MBTD1: variants seen among roughly 807,000 people sequenced by gnomAD.
MBTD1 encodes the protein mbt domain containing 1.
Under a neutral mutation model 87.8 loss-of-function variants are expected in MBTD1, and 24 were observed. The observed-to-expected ratio is 0.27, with a 90% CI of 0.20 to 0.38. The LOEUF (loss-of-function observed/expected upper bound fraction) is 0.38, where lower values mean the gene tolerates loss of function less well. MBTD1 is among the 10% of genes least tolerant of loss of function. The probability of loss-of-function intolerance (pLI) is 1.00; values close to 1 mark genes in which losing one functional copy is unlikely to be tolerated. For missense variants in MBTD1, 436 were observed against 760.2 expected (o/e 0.57, Z 5.02); for synonymous variants, 237 against 248.6 (o/e 0.95, Z 0.44).
At chr17:51,190,023 T>C (rs1369625577) in intron 16 of MBTD1, among the ~76,000 whole-genome samples, 1 of 152,192 alleles carries the variant, frequency 6.6e-6, no homozygotes, top group Non-Finnish European at 1.5e-5. Context: ...GTGGCTGACA[T>C]GGGTTTTGTG....
At chr17:51,197,041 GATATATATATATATAT>G (rs71149351) in intron 12 of MBTD1, among the ~76,000 whole-genome samples, 3 of 87,630 alleles carry the variant, frequency 3.4e-5, no homozygotes, top group Admixed American at 1.4e-4. Context: ...ATATATACAA[GATATATATATATATAT>G]ATATATATAT....
rs942245561 is a variant in MBTD1, at chr17:51,260,013, C to G, written c.-291G>C. The G allele has an allele frequency of 1.2e-5, 6 of 491,702 alleles. No individual in the cohort carries two copies. The highest frequency in any genetic ancestry group is 4.4e-5 in the Admixed American group (1 of 22,716). 30.5% of individuals were successfully genotyped at this position (491,702 alleles called of 1,614,324 possible). Reference sequence around the variant, plus strand: ...GGTGCAGCAGCCCCCGGATTTCCCCCCTTTAACTCGGGTGGCCCCAGGATA... The same window carrying G: ...GGTGCAGCAGCCCCCGGATTTCCCCGCTTTAACTCGGGTGGCCCCAGGATA... On this transcript the variant is annotated 5_prime_UTR_variant, in exon 1 of 17. Coordinates refer to ENST00000586178, the MANE Select transcript of MBTD1 (RefSeq NM_017643.3).
intron 16 of MBTD1, among the ~76,000 whole-genome samples, chr17:51,190,335 GTCTAAAGC>G (rs2050734328): frequency 6.6e-6 from 1 of 151,902 alleles, no homozygotes; most frequent in African/African-American, 2.4e-5. Flanking sequence ...ACCCAGGCTG[GTCTAAAGC>G]CATCCGCCTT....
chr17:51,216,307 C>A (rs2052566231), intron 6 of MBTD1, among the ~76,000 whole-genome samples: 2 of 152,168 alleles, frequency 1.3e-5, no homozygotes, highest in African/African-American at 4.8e-5. Flanking sequence ...TCTTCTTAAA[C>A]ATGTATAGCA....
At chr17:51,229,532 G>A (rs1325769779) in intron 2 of MBTD1, among the ~76,000 whole-genome samples, 4 of 152,052 alleles carry the variant, frequency 2.6e-5, no homozygotes, top group African/African-American at 9.7e-5. Flanking sequence ...ATCAGGTGCA[G>A]CTATGAAAGC....
intron 10 of MBTD1, 57 bp from the exon 11 acceptor site, chr17:51,202,134 C>A (rs536958633): frequency 1.5e-5 from 16 of 1,066,516 alleles, no homozygotes; most frequent in Non-Finnish European, 2.2e-5. Flanking sequence ...CCAAAAACCA[C>A]GTTCTTTGAA....
intron 2 of MBTD1, among the ~76,000 whole-genome samples, chr17:51,231,230 C>T (rs548607760): frequency 2.0e-4 from 30 of 152,270 alleles, no homozygotes; most frequent in African/African-American, 6.5e-4. Flanking sequence ...GCCACCAGCC[C>T]GGCCAGACCT....
At chr17:51,249,624 T>G (rs1158440821) in intron 2 of MBTD1, 1 of 152,188 alleles carries the variant, frequency 6.6e-6, no homozygotes, top group East Asian at 1.9e-4. Flanking sequence ...CCTTTATGTT[T>G]GCTCTCAATT....
At chr17:51,254,168 G>A (rs1461157486) in intron 2 of MBTD1, among the ~76,000 whole-genome samples, 1 of 152,138 alleles carries the variant, frequency 6.6e-6, no homozygotes. Flanking sequence ...AGTAAACAGA[G>A]ATTAATACAT....
intron 16 of MBTD1, among the ~76,000 whole-genome samples, chr17:51,186,641 G>T (rs980052751): frequency 6.6e-6 from 1 of 152,104 alleles, no homozygotes; most frequent in South Asian, 2.1e-4. Flanking sequence ...GGGCATGGTG[G>T]CAGGCGCCTG....
At chr17:51,235,467 C>G (rs1395308079) in intron 2 of MBTD1, among the ~76,000 whole-genome samples, 1 of 152,086 alleles carries the variant, frequency 6.6e-6, no homozygotes, top group Non-Finnish European at 1.5e-5. Context: ...AAAATTTTAG[C>G]AAATTGAACC....
At chr17:51,207,964 T>C (rs1416784639) in intron 6 of MBTD1, among the ~76,000 whole-genome samples, 1 of 152,206 alleles carries the variant, frequency 6.6e-6, no homozygotes, top group Non-Finnish European at 1.5e-5. Context: ...TGTGAGGTTA[T>C]AAAAGACTTG....
intron 2 of MBTD1, among the ~76,000 whole-genome samples, chr17:51,243,351 G>T (rs935378256): frequency 6.6e-6 from 1 of 151,354 alleles, no homozygotes; most frequent in African/African-American, 2.4e-5. Context: ...AAAGTTAGAA[G>T]AATAATACAA....
intron 16 of MBTD1, among the ~76,000 whole-genome samples, chr17:51,187,866 G>GAAAAAAAAA (rs71149350): frequency 1.0e-4 from 12 of 118,082 alleles, no homozygotes; most frequent in Admixed American, 8.6e-5. Context: ...AAGAAAGAAA[G>GAAAAAAAAA]AAAAAAAAAA....
rs28535195 is a variant in MBTD1, at chr17:51,190,752, T to A, written c.1768+1451A>T. Among the ~76,000 whole-genome samples, 701 of 79,848 alleles carry A rather than the reference T, an allele frequency of 8.8e-3. 4 individuals are homozygous for A. The highest frequency in any genetic ancestry group is 0.022 in the African/African-American group (313 of 14,466). The allele number at this position is 79,848 out of a possible 152,430, so 52.4% of individuals were successfully genotyped here. ...AAAAAAAAAAAAAAAAAAAAAAAAA[T>A]ATATATATATATATATATAACCTTA... On this transcript the variant is annotated intron_variant, in intron 16 of 16. Coordinates refer to ENST00000586178, the MANE Select transcript of MBTD1 (RefSeq NM_017643.3).
chr17:51,191,504 T>A (rs1283442227), intron 16 of MBTD1: 1 of 152,236 alleles, frequency 6.6e-6, no homozygotes, highest in Admixed American at 6.5e-5. Flanking sequence ...CTTACCAGTA[T>A]CACTCTAGAA....
At chr17:51,191,722 C>G (rs2050822083) in intron 16 of MBTD1, 1 of 156,604 alleles carries the variant, frequency 6.4e-6, no homozygotes, top group Non-Finnish European at 1.4e-5. Flanking sequence ...GCTGGGACTT[C>G]AGGCGTGTGC....
chr17:51,198,150 T>C (rs2051246471), intron 12 of MBTD1, among the ~76,000 whole-genome samples: 1 of 149,812 alleles, frequency 6.7e-6, no homozygotes, highest in South Asian at 2.1e-4. Context: ...AGGTTATCAA[T>C]CACCATATTC....
chr17:51,201,546 C>A (rs2051490443), intron 12 of MBTD1, 46 bp downstream of exon 12: 2 of 1,286,892 alleles, frequency 1.6e-6, no homozygotes, highest in Non-Finnish European at 2.2e-6. Flanking sequence ...AGCTTATACC[C>A]AAATCCTATA....
Sources: gnomAD v4.1 joint callset for allele counts (sites outside exome capture counted in the v4.1 genomes callset) on GRCh38, gnomAD v4.1.1 for gene constraint, MANE v1.5 for transcripts, NCBI Gene and HGNC (gene_info 2026-07-23, HGNC 2026-07-21) for gene names.